Variants in CNTNAP3 observed in about 807,000 individuals in gnomAD.
The protein encoded by CNTNAP3 is contactin associated protein family member 3.
Under a neutral mutation model 92.1 loss-of-function variants are expected in CNTNAP3, and 36 were observed. The observed-to-expected ratio is 0.39, with a 90% confidence interval of 0.30 to 0.52. CNTNAP3 has a LOEUF of 0.52. Ranked by LOEUF, CNTNAP3 falls within the 20% of genes least tolerant of loss-of-function variation. The pLI is 0.76. For synonymous variants in CNTNAP3, 232 were observed against 422.3 expected (o/e 0.55, Z 5.53); for missense variants, 534 against 1,069.6 (o/e 0.50, Z 6.98).
chr9:39,130,915 G>A (rs1441714055), intron 13 of CNTNAP3, among the ~76,000 whole-genome samples: 16 of 151,724 alleles, frequency 1.1e-4, no homozygotes, highest in Non-Finnish European at 1.8e-4. Context: ...CTTGGGGTGG[G>A]GGAACTGCTT....
At chr9:39,108,303 C>T (rs1197071385) in intron 15 of CNTNAP3, among the ~76,000 whole-genome samples, 2 of 151,774 alleles carry the variant, frequency 1.3e-5, no homozygotes, top group African/African-American at 2.4e-5. Flanking sequence ...GAGTACGCAT[C>T]GATAGTGATG....
At chr9:39,079,712 C>T (rs1388286812) in intron 21 of CNTNAP3, among the ~76,000 whole-genome samples, 2 of 110,454 alleles carry the variant, frequency 1.8e-5, no homozygotes, top group East Asian at 3.1e-4. Flanking sequence ...TAATCAGTTT[C>T]CTTCTTATTT....
At chr9:39,143,944 T>C (rs1821637236) in intron 11 of CNTNAP3, among the ~76,000 whole-genome samples, 1 of 152,228 alleles carries the variant, frequency 6.6e-6, no homozygotes, top group Non-Finnish European at 1.5e-5. Context: ...TGTTACATCA[T>C]GCATTTTTAA....
intron 12 of CNTNAP3, among the ~76,000 whole-genome samples, chr9:39,135,615 G>A (rs577180112): frequency 6.6e-6 from 1 of 152,256 alleles, no homozygotes; most frequent in Non-Finnish European, 1.5e-5. Context: ...AATTTATGAT[G>A]AAGTTGCATC....
chr9:39,099,772 A>C, intron 18 of CNTNAP3, 139 bp downstream of exon 18: 1 of 984,180 alleles, frequency 1.0e-6, no homozygotes, highest in Non-Finnish European at 1.5e-6. Flanking sequence ...AATTCAATAG[A>C]GGAATTTGGT....
Position 39,065,989 on chromosome 9 carries a change from A to G in CNTNAP3, c.*7901T>C, listed in dbSNP as rs1825501472. Among the ~76,000 whole-genome samples the G allele has an allele frequency of 6.6e-6, 1 of 152,192 alleles. No homozygotes were observed. The highest frequency in any genetic ancestry group is 2.4e-5 in the African/African-American group (1 of 41,442). ...GTCAAATTTATCAGATTTTTATTTT[A>G]TATCTTGCTATTTGCTTTCTATTTG... is the stretch of plus-strand genomic sequence containing the variant. On this transcript the variant is annotated 3_prime_UTR_variant, in exon 24 of 24. Transcript: ENST00000297668.
chr9:39,140,504 C>T lies in CNTNAP3; in HGVS notation c.1876+15G>A, dbSNP rs539009514. The T allele has an allele frequency of 1.0e-4, 169 of 1,612,794 alleles. No homozygotes were observed. In the East Asian group the frequency reaches 1.1e-3, roughly 11 times the overall value. ...GGTCTATTCTGATATATGCATATAA[C>T]GATTATCAACATACCTGTCATATTG... On this transcript the variant is annotated intron_variant, in intron 12 of 23. Transcript: ENST00000297668.
intron 21 of CNTNAP3, among the ~76,000 whole-genome samples, 176 bp from the exon 22 acceptor site, chr9:39,079,096 T>A (rs1486804628): frequency 6.6e-6 from 1 of 152,124 alleles, no homozygotes; most frequent in Non-Finnish European, 1.5e-5. Flanking sequence ...GTCTGGCAAC[T>A]ATTTCCATTG....
chr9:39,117,272 G>A (rs750750367), intron 14 of CNTNAP3, among the ~76,000 whole-genome samples: 4 of 151,930 alleles, frequency 2.6e-5, no homozygotes, highest in Non-Finnish European at 4.4e-5. Flanking sequence ...GATTACAGGC[G>A]TGAGCCACAG....
chr9:39,118,500 AAATC>A (rs1354903553), intron 13 of CNTNAP3, among the ~76,000 whole-genome samples: 1 of 152,182 alleles, frequency 6.6e-6, no homozygotes, highest in African/African-American at 2.4e-5. Context: ...CTTCTATTAG[AAATC>A]AGTCAGTTGC....
chr9:39,085,635 T>C lies in CNTNAP3; in HGVS notation c.3442+101A>G, dbSNP rs536768522. On this transcript the variant is annotated intron_variant, in intron 21 of 23. Transcript: ENST00000297668. ...ACCTTGATTGTCACTCACTGTGAAATTATTATTCAAGTAAGACAAGGAGCT... is the reference window on the plus strand; with the variant it reads ...ACCTTGATTGTCACTCACTGTGAAACTATTATTCAAGTAAGACAAGGAGCT... 1.5e-4 allele frequency: 138 copies of C among 926,992 alleles called. 11 individuals are homozygous for C. In the South Asian group the frequency reaches 2.0e-3, roughly 14 times the overall value. 57.4% of individuals were successfully genotyped at this position (926,992 alleles called of 1,614,324 possible). A position where few individuals can be genotyped will look rare whatever the true frequency, so the allele number is the denominator to read the frequency against.
chr9:39,113,168 C>T (rs2778191), intron 14 of CNTNAP3, among the ~76,000 whole-genome samples: 2 of 151,970 alleles, frequency 1.3e-5, no homozygotes, highest in African/African-American at 2.4e-5. Context: ...TGTGTGATGA[C>T]AAAAATGTCT....
At chr9:39,084,590 T>C (rs1259995138) in intron 21 of CNTNAP3, among the ~76,000 whole-genome samples, 1 of 152,222 alleles carries the variant, frequency 6.6e-6, no homozygotes, top group African/African-American at 2.4e-5. Flanking sequence ...TTTGGGTAAC[T>C]TTCTTTGTAA....
chr9:39,117,081 C>A (rs571017864), intron 14 of CNTNAP3, among the ~76,000 whole-genome samples: 25 of 152,150 alleles, frequency 1.6e-4, no homozygotes, highest in African/African-American at 6.0e-4. Flanking sequence ...CAACCTCTAC[C>A]TCCTGGGTTA....
At chr9:39,081,045 T>C (rs1825919723) in intron 21 of CNTNAP3, among the ~76,000 whole-genome samples, 1 of 150,954 alleles carries the variant, frequency 6.6e-6, no homozygotes, top group South Asian at 2.1e-4. Context: ...CTTTCTTACA[T>C]CTTTAATAAA....
chr9:39,161,667 A>ATAG (rs1822074988), intron 9 of CNTNAP3, among the ~76,000 whole-genome samples: 1 of 138,440 alleles, frequency 7.2e-6, no homozygotes, highest in Non-Finnish European at 1.6e-5. Context: ...AATAATAATA[A>ATAG]TAATAATAAT....
chr9:39,132,918 G>C lies in CNTNAP3; in HGVS notation c.2080+14C>G. On this transcript the variant is annotated intron_variant, in intron 13 of 23. Coordinates refer to ENST00000297668, the MANE Select transcript of CNTNAP3 (RefSeq NM_033655.5). ...GCCCCGTGAACCCCTGTAGCCTCCAGGAGTGGCGCTTACCTCGTGAGTCCG... is the reference window on the plus strand; with the variant it reads ...GCCCCGTGAACCCCTGTAGCCTCCACGAGTGGCGCTTACCTCGTGAGTCCG... 6.5e-7 allele frequency: 1 copy of C among 1,540,564 alleles called. No individual in the cohort carries two copies. The highest frequency in any genetic ancestry group is 8.7e-7 in the Non-Finnish European group (1 of 1,152,792).
In CNTNAP3 at chr9:39,205,033, T is replaced by TA. The variant is rs1379556826; in HGVS notation, c.391-11759dup. ...CTTATGTTTTTGAGCACTTCCCACA[T>TA]ACTTCCTTAAGCCCTTTGCTCAGAG... On this transcript the variant is annotated intron_variant, in intron 3 of 23. Coordinates refer to ENST00000297668, the MANE Select transcript of CNTNAP3 (RefSeq NM_033655.5). Among the ~76,000 whole-genome samples the TA allele has an allele frequency of 5.3e-5, 4 of 74,774 alleles. 1 individual carries two copies. The highest frequency in any genetic ancestry group is 8.8e-5 in the Non-Finnish European group (4 of 45,336). 49.1% of individuals were successfully genotyped at this position (74,774 alleles called of 152,430 possible).
chr9:39,082,143 A>G (rs1825959702), intron 21 of CNTNAP3, among the ~76,000 whole-genome samples: 2 of 151,512 alleles, frequency 1.3e-5, no homozygotes, highest in South Asian at 2.1e-4. Context: ...TGTAAAATTT[A>G]GTCCCTCAGT....
Sources: gnomAD v4.1 joint callset for allele counts (sites outside exome capture counted in the v4.1 genomes callset) on GRCh38, gnomAD v4.1.1 for gene constraint, MANE v1.5 for transcripts, NCBI Gene and HGNC (gene_info 2026-07-23, HGNC 2026-07-21) for gene names.